COL5A1: variants seen among roughly 807,000 people sequenced by gnomAD.
COL5A1 encodes collagen alpha-1(V) chain.
A neutral mutation model predicts 263.7 loss-of-function variants in COL5A1; 16 were observed. The observed-to-expected ratio is 0.06, with a 90% CI of 0.04 to 0.09. The LOEUF is 0.09. Ranked by LOEUF, COL5A1 falls within the 10% of genes least tolerant of loss-of-function variation. COL5A1 has a pLI of 1.00. For synonymous variants in COL5A1, 1,012 were observed against 1,004.5 expected (o/e 1.01, Z -0.14); for missense variants, 2,036 against 2,540.5 (o/e 0.80, Z 4.27).
At chr9:134,662,488 A>G (rs962174953) in intron 1 of COL5A1, among the ~76,000 whole-genome samples, 49 of 152,314 alleles carry the variant, frequency 3.2e-4, no homozygotes, top group Non-Finnish European at 1.5e-4. Flanking sequence ...CCTCCCCAGC[A>G]CCCTTCCTGA....
chr9:134,789,472 C>T lies in COL5A1; in HGVS notation c.2700+264C>T, dbSNP rs1837594959. Reference sequence around the variant, plus strand: ...AAATGGAGCTTTCTAATTAGCACCACAATCCAGAAGGCTCTTTCAGGTCAT... The same window carrying T: ...AAATGGAGCTTTCTAATTAGCACCATAATCCAGAAGGCTCTTTCAGGTCAT... On this transcript the variant is annotated intron_variant, in intron 32 of 65. Coordinates refer to ENST00000371817, the MANE Select transcript of COL5A1 (RefSeq NM_000093.5). The surrounding 1 kb of genome is among the most constrained non-coding windows in gnomAD (Gnocchi z 4.8). Among the ~76,000 whole-genome samples, 1 of 152,194 alleles carries T rather than the reference C, an allele frequency of 6.6e-6. No homozygotes were observed. The highest frequency in any genetic ancestry group is 2.4e-5 in the African/African-American group (1 of 41,428).
intron 37 of COL5A1, among the ~76,000 whole-genome samples, chr9:134,798,817 C>T (rs191738062): frequency 9.8e-4 from 150 of 152,366 alleles, no homozygotes; most frequent in African/African-American, 3.5e-3. Context: ...TATTTTCCCT[C>T]TAGAATAATG....
chr9:134,718,383 A>G (rs1478066140), intron 4 of COL5A1, among the ~76,000 whole-genome samples: 4 of 152,212 alleles, frequency 2.6e-5, no homozygotes, highest in South Asian at 2.1e-4. Flanking sequence ...CAGGAATGTA[A>G]AGGGGGAAAA....
At chr9:134,666,538 G>T (rs2132505751) in intron 1 of COL5A1, among the ~76,000 whole-genome samples, 1 of 152,324 alleles carries the variant, frequency 6.6e-6, no homozygotes, top group Admixed American at 6.5e-5. Context: ...GGGCTGGCCA[G>T]GGACAGTCCC....
At chr9:134,820,291 C>T (rs1838942155) in intron 58 of COL5A1, 68 bp downstream of exon 58, 1 of 1,282,684 alleles carries the variant, frequency 7.8e-7, no homozygotes, top group African/African-American at 1.5e-5. Flanking sequence ...GGCAGGCACC[C>T]AGGGGACAGG....
chr9:134,823,145 G>A (rs1223116391), intron 60 of COL5A1, 112 bp downstream of exon 60: 14 of 1,294,050 alleles, frequency 1.1e-5, no homozygotes, highest in African/African-American at 1.5e-5. Context: ...AGGCCCTGCT[G>A]CTCACGATCC....
chr9:134,768,344 G>A, intron 24 of COL5A1, 66 bp from the exon 25 acceptor site: 1 of 1,366,966 alleles, frequency 7.3e-7, no homozygotes, highest in Non-Finnish European at 1.0e-6. Context: ...TAACCTTGGT[G>A]GCCGACGGAG....
intron 1 of COL5A1, among the ~76,000 whole-genome samples, chr9:134,644,564 C>A: frequency 1.2e-5 from 1 of 86,400 alleles, no homozygotes; most frequent in African/African-American, 5.8e-5. Context: ...GGGGAGGGGG[C>A]GGCTGTCCAC....
chr9:134,664,327 G>A (rs938399353), intron 1 of COL5A1, among the ~76,000 whole-genome samples: 12 of 152,138 alleles, frequency 7.9e-5, no homozygotes, highest in East Asian at 7.7e-4. Context: ...CGAGTATGAC[G>A]TAAGCCCCTG....
chr9:134,843,802 G>C lies in COL5A1; in HGVS notation c.*1499G>C, dbSNP rs952690204. 1.3e-5 allele frequency: 2 copies of C among 152,698 alleles called. No individual in the cohort carries two copies. The highest frequency in any genetic ancestry group is 4.8e-5 in the African/African-American group (2 of 41,474). The allele number at this position is 152,698 out of a possible 1,614,324, so 9.5% of individuals were successfully genotyped here. ...TGGAGTAATGTACAATGAACTCCAT[G>C]AGTCTCTCCAGGGCTGCCTGCAGCA... On this transcript the variant is annotated 3_prime_UTR_variant, in exon 66 of 66. Transcript: ENST00000371817.
rs940864411 is a variant in COL5A1, at chr9:134,700,667, G to A, written c.492-504G>A. On this transcript the variant is annotated intron_variant, in intron 3 of 65. Coordinates refer to ENST00000371817, the MANE Select transcript of COL5A1 (RefSeq NM_000093.5). This position sits in a 1 kb window ranked among gnomAD's most constrained non-coding sequence, Gnocchi z 4.0. ...TCTGAATTCTTCGCCAAGACTTTCA[G>A]ACAGATCCACTCCTTCCACCATTTC... 6.6e-6 allele frequency among the ~76,000 whole-genome samples: 1 copy of A among 152,242 alleles called. No individual in the cohort carries two copies. Among genetic ancestry groups the A allele is most frequent in the Admixed American group, 6.5e-5 (1 of 15,282 alleles).
chr9:134,779,814 G>A (rs868124109), intron 27 of COL5A1, among the ~76,000 whole-genome samples: 8 of 152,190 alleles, frequency 5.3e-5, no homozygotes, highest in African/African-American at 9.7e-5. Context: ...GTTGGCTGCC[G>A]GGTGTGGGCC....
chr9:134,736,557 A>G (rs182815064), intron 9 of COL5A1, among the ~76,000 whole-genome samples: 4 of 152,312 alleles, frequency 2.6e-5, no homozygotes, highest in Admixed American at 2.6e-4. Flanking sequence ...TTTCCAACAC[A>G]TGACTTTTGG....
intron 19 of COL5A1, 34 bp from the exon 20 acceptor site, chr9:134,763,659 A>T (rs1476213026): frequency 6.2e-7 from 1 of 1,611,720 alleles, no homozygotes; most frequent in South Asian, 1.1e-5. Context: ...CTAACAGCTC[A>T]TTTCTCTAAC....
chr9:134,815,301 C>A (rs762512219), intron 50 of COL5A1, among the ~76,000 whole-genome samples: 8 of 152,222 alleles, frequency 5.3e-5, no homozygotes, highest in Admixed American at 4.6e-4. Context: ...CAGGAATAGA[C>A]CTGTGGGCGG....
At chr9:134,736,452 C>T (rs1029369551) in intron 9 of COL5A1, among the ~76,000 whole-genome samples, 13 of 152,224 alleles carry the variant, frequency 8.5e-5, no homozygotes, top group African/African-American at 2.7e-4. Flanking sequence ...CCGCTCCCAT[C>T]GTAGCTGCAT....
chr9:134,693,901 G>T (rs1289377595), intron 2 of COL5A1, among the ~76,000 whole-genome samples: 1 of 152,182 alleles, frequency 6.6e-6, no homozygotes, highest in African/African-American at 2.4e-5. Context: ...GTGTGGGTCA[G>T]CCTAAGCGCT....
chr9:134,703,789 C>T (rs1192932513), intron 4 of COL5A1, among the ~76,000 whole-genome samples: 1 of 151,988 alleles, frequency 6.6e-6, no homozygotes, highest in African/African-American at 2.4e-5. Context: ...AGGCGCCCGC[C>T]ACCACACCCA....
At position 134,824,783 on chromosome 9, in the gene COL5A1, C is replaced by A. The variant is rs1564487277; in HGVS notation, c.4882C>A (p.Pro1628Thr). 6.2e-7 allele frequency: 1 copy of A among 1,614,138 alleles called. No individual in the cohort carries two copies. The highest frequency in any genetic ancestry group is 2.2e-5 in the East Asian group (1 of 44,872). The change falls in exon 62 of 66, where the codon CCC becomes ACC. Residue 1628 changes from proline to threonine, a missense_variant. This residue lies in a region of COL5A1 where 358 missense variants were observed against 384.6 expected (regional missense o/e 0.93). Transcript: ENST00000371817. Reference sequence around the variant, plus strand: ...GCTGGAGATTGAGCAGATGAAACGGCCCCTGGGCACGCAGCAGAACCCCGC... The same window carrying A: ...GCTGGAGATTGAGCAGATGAAACGGACCCTGGGCACGCAGCAGAACCCCGC... ...LKLEIEQMKRPLGTQQNPART... is the reference protein window; with the variant it reads ...LKLEIEQMKRTLGTQQNPART...
Sources: gnomAD v4.1 joint callset for allele counts (sites outside exome capture counted in the v4.1 genomes callset) on GRCh38, gnomAD v4.1.1 for gene constraint, gnomAD v4.1.1 regional missense constraint, Gnocchi (gnomAD v3.1) non-coding constraint, MANE v1.5 for transcripts, NCBI Gene and HGNC (gene_info 2026-07-23, HGNC 2026-07-21) for gene names.